Variants in LRMDA observed in about 807,000 individuals in gnomAD.
The protein encoded by LRMDA is leucine-rich melanocyte differentiation-associated protein.
A neutral mutation model predicts 29.8 loss-of-function variants in LRMDA; 18 were observed. That is an observed-to-expected ratio of 0.60 (90% confidence interval 0.42 to 0.90). The LOEUF is 0.90. LRMDA is among the 40% of genes least tolerant of loss of function. The probability of loss-of-function intolerance (pLI) is 0.00; values close to 1 mark genes in which losing one functional copy is unlikely to be tolerated. For synonymous variants in LRMDA, 125 were observed against 109.4 expected (o/e 1.14, Z -0.89); for missense variants, 273 against 273.9 (o/e 1.00, Z 0.02).
intron 5 of LRMDA, among the ~76,000 whole-genome samples, chr10:76,161,179 A>T (rs1850640731): frequency 6.6e-6 from 1 of 152,150 alleles, no homozygotes; most frequent in Non-Finnish European, 1.5e-5. Flanking sequence ...ATGAAAAGGG[A>T]AAGAGATCTT....
At chr10:75,590,840 C>CGGGTTCAA (rs1322810247) in intron 2 of LRMDA, among the ~76,000 whole-genome samples, 2 of 145,222 alleles carry the variant, frequency 1.4e-5, no homozygotes, top group Non-Finnish European at 3.0e-5. Context: ...TTCTGCCTCC[C>CGGGTTCAA]GGGTTCAAGT....
At chr10:75,682,017 G>A (rs1032185786) in intron 2 of LRMDA, among the ~76,000 whole-genome samples, 4 of 152,160 alleles carry the variant, frequency 2.6e-5, no homozygotes, top group African/African-American at 9.7e-5. Flanking sequence ...CTTTAGGCGG[G>A]TCTAACTTTG....
chr10:76,112,996 C>T (rs938131043), intron 5 of LRMDA, among the ~76,000 whole-genome samples: 1 of 152,168 alleles, frequency 6.6e-6, no homozygotes, highest in Non-Finnish European at 1.5e-5. Context: ...AACACTGGTA[C>T]CAAGAAGTTT....
chr10:76,528,529 T>C (rs998374298), intron 6 of LRMDA, among the ~76,000 whole-genome samples: 10 of 152,108 alleles, frequency 6.6e-5, no homozygotes, highest in African/African-American at 2.2e-4. Flanking sequence ...TTACACTTAA[T>C]TTTTTTACAA....
chr10:75,475,585 C>T (rs564098443), intron 2 of LRMDA, among the ~76,000 whole-genome samples: 1 of 152,202 alleles, frequency 6.6e-6, no homozygotes, highest in East Asian at 1.9e-4. Flanking sequence ...TCAGGTAATT[C>T]ATGGTTTGGT....
chr10:76,513,998 T>C (rs571968895), intron 6 of LRMDA, among the ~76,000 whole-genome samples: 2 of 152,286 alleles, frequency 1.3e-5, no homozygotes, highest in South Asian at 4.1e-4. Flanking sequence ...CAAATAGTAT[T>C]AGGGTAAGAA....
chr10:75,473,590 G>A (rs1416866176), intron 2 of LRMDA, among the ~76,000 whole-genome samples: 1 of 152,222 alleles, frequency 6.6e-6, no homozygotes, highest in Non-Finnish European at 1.5e-5. Flanking sequence ...GGCTCCAAAG[G>A]CAGACTGCTC....
At position 76,038,255 on chromosome 10, in the gene LRMDA, G is replaced by A. The variant is rs41314986; in HGVS notation, c.258+2121G>A. ...TTTAAAGAAATATGTTGGACTGGTC[G>A]ATGGTTTTATTCACAGTATTGCTGT... On this transcript the variant is annotated intron_variant, in intron 3 of 6. Coordinates refer to ENST00000611255, the MANE Select transcript of LRMDA (RefSeq NM_001305581.2). Among the ~76,000 whole-genome samples, 1,120 of 152,334 alleles carry A rather than the reference G, an allele frequency of 7.4e-3. 5 individuals are homozygous for A. The highest frequency in any genetic ancestry group is 0.011 in the Admixed American group (175 of 15,300).
chr10:75,810,503 A>T (rs1843939789), intron 2 of LRMDA, among the ~76,000 whole-genome samples: 1 of 152,224 alleles, frequency 6.6e-6, no homozygotes, highest in South Asian at 2.1e-4. Context: ...CAAAGATGAC[A>T]TCTAGATTCT....
chr10:76,167,020 G>T (rs1850753310), intron 5 of LRMDA, among the ~76,000 whole-genome samples: 1 of 152,110 alleles, frequency 6.6e-6, no homozygotes, highest in African/African-American at 2.4e-5. Context: ...GTGTGAGATG[G>T]TATCTCATTG....
chr10:75,956,657 G>A (rs1314818491), intron 2 of LRMDA, among the ~76,000 whole-genome samples: 1 of 152,166 alleles, frequency 6.6e-6, no homozygotes. Flanking sequence ...CTACCTGGTT[G>A]CTCTGTCGTT....
At chr10:75,854,931 A>T (rs1214497098) in intron 2 of LRMDA, among the ~76,000 whole-genome samples, 9 of 152,172 alleles carry the variant, frequency 5.9e-5, no homozygotes, top group Middle Eastern at 3.4e-3. Context: ...TATTCCATGG[A>T]GTATATGTGC....
chr10:75,924,497 G>A (rs548589798), intron 2 of LRMDA, among the ~76,000 whole-genome samples: 60 of 152,326 alleles, frequency 3.9e-4, no homozygotes, highest in South Asian at 1.9e-3. Flanking sequence ...GTCGGGATGC[G>A]TGCTGAGGGG....
At chr10:75,443,084 T>C (rs1257108689) in intron 2 of LRMDA, among the ~76,000 whole-genome samples, 2 of 152,288 alleles carry the variant, frequency 1.3e-5, no homozygotes, top group South Asian at 4.1e-4. Flanking sequence ...ACTGAATTTG[T>C]TTATTCTAAC....
chr10:75,916,719 T>A (rs1052105760), intron 2 of LRMDA, among the ~76,000 whole-genome samples: 15 of 152,188 alleles, frequency 9.9e-5, no homozygotes, highest in Admixed American at 7.2e-4. Context: ...CAGGGGCACA[T>A]AACAAGAAAG....
chr10:76,353,453 A>G (rs1008025696), intron 6 of LRMDA, among the ~76,000 whole-genome samples: 1 of 152,090 alleles, frequency 6.6e-6, no homozygotes, highest in African/African-American at 2.4e-5. Flanking sequence ...GTCAATGCAG[A>G]TTATTCGACT....
In LRMDA at chr10:76,057,457, A is replaced by G. The variant is rs79387749; in HGVS notation, c.399-1209A>G. Among the ~76,000 whole-genome samples the G allele has an allele frequency of 5.7e-3, 870 of 152,314 alleles. 9 individuals are homozygous for G. The highest frequency in any genetic ancestry group is 8.7e-3 in the Non-Finnish European group (591 of 68,030). Reference sequence around the variant, plus strand: ...AGATGTGGTGAGAGTGAGCAAATAAATTTGTCCCTGCCTTCAAGAAGCTTA... The same window carrying G: ...AGATGTGGTGAGAGTGAGCAAATAAGTTTGTCCCTGCCTTCAAGAAGCTTA... On this transcript the variant is annotated intron_variant, in intron 4 of 6. Transcript: ENST00000611255.
chr10:76,440,404 C>T (rs530446436), intron 6 of LRMDA, among the ~76,000 whole-genome samples: 1 of 152,156 alleles, frequency 6.6e-6, no homozygotes. Context: ...TTACTTCTCA[C>T]CCCAAAATGG....
At chr10:75,710,004 G>A (rs1842417174) in intron 2 of LRMDA, among the ~76,000 whole-genome samples, 1 of 152,150 alleles carries the variant, frequency 6.6e-6, no homozygotes. Flanking sequence ...TTGTATCCCT[G>A]GTAAAAAAGA....
Sources: allele counts gnomAD v4.1 joint callset (sites outside exome capture counted in the v4.1 genomes callset), GRCh38; gene constraint gnomAD v4.1.1; transcripts MANE v1.5; gene names NCBI Gene and HGNC (gene_info 2026-07-23, HGNC 2026-07-21).